The following CRACR2A variants were observed in gnomAD, a reference collection of about 807,000 sequenced individuals.
CRACR2A encodes the protein calcium release activated channel regulator 2A, also known as EF-hand calcium-binding domain-containing protein 4B.
A neutral mutation model predicts 90.5 loss-of-function variants in CRACR2A; 79 were observed. The observed-to-expected ratio is 0.87, with a 90% CI of 0.73 to 1.05. CRACR2A has a LOEUF of 1.05. Ranked by LOEUF, CRACR2A falls within the 50% of genes least tolerant of loss-of-function variation. The pLI, the probability that CRACR2A is intolerant of heterozygous loss-of-function variation, is 0.00. For synonymous variants in CRACR2A, 338 were observed against 356.7 expected (o/e 0.95, Z 0.59); for missense variants, 823 against 897.2 (o/e 0.92, Z 1.06).
intron 5 of CRACR2A, 88 bp downstream of exon 5, chr12:3,680,150 C>T (rs911847875): frequency 3.7e-6 from 4 of 1,087,306 alleles, no homozygotes; most frequent in Non-Finnish European, 5.5e-6. Flanking sequence ...ACTACCTGCC[C>T]CCCAGGTCTA....
At chr12:3,643,607 CA>C (rs1239406719) in intron 12 of CRACR2A, among the ~76,000 whole-genome samples, 1 of 150,374 alleles carries the variant, frequency 6.7e-6, no homozygotes, top group Non-Finnish European at 1.5e-5. Flanking sequence ...TGAGTAAGAA[CA>C]TGGAATCCTA....
chr12:3,697,114 G>C, intron 3 of CRACR2A, 79 bp from the exon 4 acceptor site: 1 of 1,455,834 alleles, frequency 6.9e-7, no homozygotes, highest in African/African-American at 1.4e-5. Context: ...GGGATGAGAA[G>C]GAAGCACAGA....
rs535106245 is a variant in CRACR2A, at chr12:3,747,199, T to C, written c.-387+5816A>G. On this transcript the variant is annotated intron_variant, in intron 1 of 19. Transcript: ENST00000440314. ...CGGCCTCTTATCAGCTGTGTGACCC[T>C]GGAAAAGTTACTCAGCCTCTTGAAA... Among the ~76,000 whole-genome samples, 8 of 152,324 alleles carry C rather than the reference T, an allele frequency of 5.3e-5. No individual in the cohort carries two copies. The East Asian group carries it at 1.5e-3, about 29-fold the overall frequency.
At chr12:3,623,198 C>T (rs1210487808) in intron 17 of CRACR2A, among the ~76,000 whole-genome samples, 4 of 152,208 alleles carry the variant, frequency 2.6e-5, no homozygotes, top group East Asian at 1.9e-4. Flanking sequence ...CAAGTGTGGG[C>T]GCCTTTGGGA....
intron 3 of CRACR2A, among the ~76,000 whole-genome samples, chr12:3,702,139 T>C (rs150669979): frequency 6.6e-6 from 1 of 152,242 alleles, no homozygotes; most frequent in African/African-American, 2.4e-5. Flanking sequence ...GAACTAGGAA[T>C]AGGAAGGAAC....
chr12:3,634,009 C>T (rs758282438), intron 14 of CRACR2A, among the ~76,000 whole-genome samples: 5 of 152,222 alleles, frequency 3.3e-5, no homozygotes, highest in African/African-American at 9.6e-5. Context: ...AGGCAGAGGC[C>T]AACCCTGGAT....
chr12:3,734,395 A>G (rs151201067), intron 1 of CRACR2A, among the ~76,000 whole-genome samples: 42 of 152,300 alleles, frequency 2.8e-4, no homozygotes, highest in Admixed American at 5.2e-4. Flanking sequence ...AACTGAAGTC[A>G]GGGACTAAAC....
intron 7 of CRACR2A, among the ~76,000 whole-genome samples, chr12:3,671,575 C>G (rs1001594676): frequency 2.6e-5 from 4 of 152,160 alleles, no homozygotes; most frequent in African/African-American, 9.7e-5. Flanking sequence ...ACTCTGCATT[C>G]CTAAGATGTT....
At chr12:3,709,672 G>A in intron 3 of CRACR2A, among the ~76,000 whole-genome samples, 1 of 152,232 alleles carries the variant, frequency 6.6e-6, no homozygotes, top group East Asian at 1.9e-4. Flanking sequence ...AGTTACTCAG[G>A]AGGCTGAGGC....
intron 3 of CRACR2A, among the ~76,000 whole-genome samples, chr12:3,706,276 G>A (rs1232811109): frequency 6.6e-6 from 1 of 152,202 alleles, no homozygotes. Context: ...CAGAGATGCT[G>A]AGCTGCGTCT....
chr12:3,744,736 T>C (rs1255458149), intron 1 of CRACR2A, among the ~76,000 whole-genome samples: 2 of 152,018 alleles, frequency 1.3e-5, no homozygotes, highest in African/African-American at 4.8e-5. Flanking sequence ...AGCAGAAAGA[T>C]TACCCAAGTC....
At chr12:3,743,079 T>G (rs1288142849) in intron 1 of CRACR2A, among the ~76,000 whole-genome samples, 6 of 152,224 alleles carry the variant, frequency 3.9e-5, no homozygotes, top group Non-Finnish European at 7.3e-5. Flanking sequence ...AAAATTCAGA[T>G]GTGGTGTGTG....
chr12:3,707,769 G>A (rs1327197921), intron 3 of CRACR2A, among the ~76,000 whole-genome samples: 1 of 152,166 alleles, frequency 6.6e-6, no homozygotes, highest in East Asian at 1.9e-4. Flanking sequence ...TGTATTCCCT[G>A]GGCCCGGAAG....
At chr12:3,617,098 G>A in intron 18 of CRACR2A, 68 bp from the exon 19 acceptor site, 3 of 1,209,314 alleles carry the variant, frequency 2.5e-6, no homozygotes, top group South Asian at 1.3e-5. Context: ...GGTGGTGGGA[G>A]AGCCCCCTTG....
At chr12:3,666,600 G>A (rs1265449705) in intron 7 of CRACR2A, among the ~76,000 whole-genome samples, 1 of 152,240 alleles carries the variant, frequency 6.6e-6, no homozygotes, top group Admixed American at 6.5e-5. Context: ...CACAGGAACT[G>A]TGAAAATTAA....
intron 4 of CRACR2A, among the ~76,000 whole-genome samples, chr12:3,681,209 A>G (rs1485920203): frequency 6.6e-6 from 1 of 152,186 alleles, no homozygotes; most frequent in Non-Finnish European, 1.5e-5. Flanking sequence ...TGAGTGACCC[A>G]CACCCAGGCC....
intron 10 of CRACR2A, among the ~76,000 whole-genome samples, chr12:3,649,412 G>A (rs960732950): frequency 1.2e-4 from 19 of 152,190 alleles, no homozygotes; most frequent in Middle Eastern, 3.4e-3. Context: ...CCCAGAGGCT[G>A]GTTCAGTATG....
At chr12:3,748,987 T>C (rs1041375439) in intron 1 of CRACR2A, among the ~76,000 whole-genome samples, 1 of 152,196 alleles carries the variant, frequency 6.6e-6, no homozygotes, top group Non-Finnish European at 1.5e-5. Context: ...CAATGGAGCA[T>C]AACGCTTACA....
intron 1 of CRACR2A, among the ~76,000 whole-genome samples, chr12:3,748,047 G>A (rs1946651695): frequency 6.6e-6 from 1 of 152,078 alleles, no homozygotes; most frequent in African/African-American, 2.4e-5. Flanking sequence ...CACCCAGAAG[G>A]GCACAGAGTT....
Sources: allele counts gnomAD v4.1 joint callset (sites outside exome capture counted in the v4.1 genomes callset), GRCh38; gene constraint gnomAD v4.1.1; transcripts MANE v1.5; gene names NCBI Gene and HGNC (gene_info 2026-07-23, HGNC 2026-07-21).